SPIDR: variants seen among roughly 807,000 people sequenced by gnomAD.
SPIDR encodes the protein scaffold protein involved in DNA repair.
In SPIDR, 93 loss-of-function variants were observed where a neutral mutation model predicts 104.6. That is an observed-to-expected ratio of 0.89 (90% CI 0.75 to 1.06). SPIDR has a LOEUF of 1.06. Among genes scored for constraint, SPIDR ranks in the 50% least tolerant of loss-of-function variants. SPIDR has a pLI of 0.00. For synonymous variants in SPIDR, 431 were observed against 416.9 expected (o/e 1.03, Z -0.41); for missense variants, 1,154 against 1,111.2 (o/e 1.04, Z -0.55).
chr8:47,521,238 T>C (rs138853794), intron 8 of SPIDR, among the ~76,000 whole-genome samples: 1 of 152,306 alleles, frequency 6.6e-6, no homozygotes, highest in East Asian at 1.9e-4. Context: ...TAATTGGACA[T>C]GCTTTGGCTA....
chr8:47,309,074 C>T (rs1053430159), intron 5 of SPIDR, among the ~76,000 whole-genome samples: 2 of 152,188 alleles, frequency 1.3e-5, no homozygotes, highest in Non-Finnish European at 2.9e-5. Context: ...TCCCAGAATC[C>T]TCTGATTGCG....
At chr8:47,360,961 C>T (rs1563738758) in intron 5 of SPIDR, 3 of 984,886 alleles carry the variant, frequency 3.0e-6, no homozygotes, top group South Asian at 4.7e-5. Flanking sequence ...TGAGCATTCA[C>T]ATATTATTTC....
chr8:47,265,939 G>A (rs1325580135), intron 1 of SPIDR, among the ~76,000 whole-genome samples: 4 of 152,024 alleles, frequency 2.6e-5, no homozygotes, highest in Admixed American at 2.0e-4. Context: ...CATCAATCCC[G>A]TAACTTCTAA....
intron 7 of SPIDR, among the ~76,000 whole-genome samples, chr8:47,412,560 T>A (rs927860473): frequency 1.3e-5 from 2 of 152,224 alleles, no homozygotes; most frequent in African/African-American, 4.8e-5. Context: ...CTGCTTGAAA[T>A]CATCCTAATC....
chr8:47,280,222 T>C (rs887596684), intron 2 of SPIDR, among the ~76,000 whole-genome samples: 3 of 150,764 alleles, frequency 2.0e-5, no homozygotes, highest in African/African-American at 7.4e-5. Context: ...TTTTTATTTT[T>C]TATTTTTTTT....
chr8:47,632,187 G>A (rs1182362065), intron 10 of SPIDR, among the ~76,000 whole-genome samples: 1 of 152,076 alleles, frequency 6.6e-6, no homozygotes, highest in Non-Finnish European at 1.5e-5. Context: ...ATCACGACAT[G>A]TGCTGTACTG....
chr8:47,421,240 G>T (rs1466456974), intron 7 of SPIDR, among the ~76,000 whole-genome samples: 3 of 152,120 alleles, frequency 2.0e-5, no homozygotes, highest in Non-Finnish European at 2.9e-5. Flanking sequence ...GTCACTTTCG[G>T]GTACACCAAT....
chr8:47,530,798 AT>A (rs1451058027), intron 8 of SPIDR, among the ~76,000 whole-genome samples: 7 of 152,032 alleles, frequency 4.6e-5, no homozygotes, highest in Admixed American at 4.6e-4. Context: ...ATTTTTCTTA[AT>A]TTTTTATCCT....
At chr8:47,695,999 A>G (rs2079281226) in intron 11 of SPIDR, among the ~76,000 whole-genome samples, 1 of 152,186 alleles carries the variant, frequency 6.6e-6, no homozygotes, top group South Asian at 2.1e-4. Flanking sequence ...CTATTGCCCC[A>G]GGACTTGCCC....
chr8:47,624,547 A>G (rs1260072267), intron 10 of SPIDR, among the ~76,000 whole-genome samples: 1 of 152,180 alleles, frequency 6.6e-6, no homozygotes, highest in Non-Finnish European at 1.5e-5. Flanking sequence ...AAAAATGATA[A>G]AGGGGATATC....
chr8:47,435,593 A>G (rs1460175107), intron 7 of SPIDR, among the ~76,000 whole-genome samples: 1 of 151,910 alleles, frequency 6.6e-6, no homozygotes, highest in East Asian at 1.9e-4. Flanking sequence ...CATCTTTGCT[A>G]TTGTATATTA....
intron 8 of SPIDR, among the ~76,000 whole-genome samples, chr8:47,545,534 T>C (rs1258998060): frequency 1.3e-5 from 2 of 152,186 alleles, no homozygotes; most frequent in Non-Finnish European, 2.9e-5. Flanking sequence ...AAGTTTTTTG[T>C]AGATTCTTTC....
intron 7 of SPIDR, among the ~76,000 whole-genome samples, chr8:47,409,030 A>G (rs1346023168): frequency 6.6e-6 from 1 of 152,082 alleles, no homozygotes; most frequent in Non-Finnish European, 1.5e-5. Context: ...TACTAAAAAT[A>G]TAAAAATTAG....
intron 6 of SPIDR, among the ~76,000 whole-genome samples, chr8:47,397,842 G>A (rs1290557115): frequency 6.6e-6 from 1 of 152,190 alleles, no homozygotes; most frequent in African/African-American, 2.4e-5. Flanking sequence ...TAGAGAGGGT[G>A]CAGGGAATAG....
intron 8 of SPIDR, among the ~76,000 whole-genome samples, chr8:47,538,566 A>G (rs1431187389): frequency 6.6e-6 from 1 of 151,984 alleles, no homozygotes; most frequent in Non-Finnish European, 1.5e-5. Context: ...AAAGTAAGTA[A>G]ATTAATGTTC....
At chr8:47,358,412 A>G (rs545678775) in intron 5 of SPIDR, among the ~76,000 whole-genome samples, 5 of 152,282 alleles carry the variant, frequency 3.3e-5, no homozygotes, top group African/African-American at 9.6e-5. Flanking sequence ...ATTTTTAAAG[A>G]AATAAATATT....
At chr8:47,670,175 A>T (rs2075606711) in intron 10 of SPIDR, among the ~76,000 whole-genome samples, 1 of 152,138 alleles carries the variant, frequency 6.6e-6, no homozygotes, top group Non-Finnish European at 1.5e-5. Flanking sequence ...TCCTACCTCC[A>T]GTTCCCCTAC....
intron 5 of SPIDR, among the ~76,000 whole-genome samples, chr8:47,366,418 A>T (rs1012425404): frequency 3.9e-5 from 6 of 152,132 alleles, no homozygotes; most frequent in Non-Finnish European, 2.9e-5. Flanking sequence ...CTTGGGAGAT[A>T]TGTGTAGGAT....
At chr8:47,672,088 G>A (rs142075560) in intron 10 of SPIDR, among the ~76,000 whole-genome samples, 92 of 152,250 alleles carry the variant, frequency 6.0e-4, no homozygotes, top group African/African-American at 2.2e-3. Flanking sequence ...CCCTGAAGTA[G>A]TTGGGACTAT....
Sources: gnomAD v4.1 joint callset for allele counts (sites outside exome capture counted in the v4.1 genomes callset) on GRCh38, gnomAD v4.1.1 for gene constraint, MANE v1.5 for transcripts, NCBI Gene and HGNC (gene_info 2026-07-23, HGNC 2026-07-21) for gene names.